Variants in SNTG1 observed in about 807,000 individuals in gnomAD.
SNTG1 encodes the protein gamma-1-syntrophin.
A neutral mutation model predicts 74.7 loss-of-function variants in SNTG1; 39 were observed. The ratio of observed to expected loss-of-function variants is 0.52; its 90% CI spans 0.40 to 0.68. The LOEUF (loss-of-function observed/expected upper bound fraction) is 0.68. Ranked by LOEUF, SNTG1 falls within the 30% of genes least tolerant of loss-of-function variation. SNTG1 has a pLI of 0.00. For synonymous variants in SNTG1, 254 were observed against 217.1 expected (o/e 1.17, Z -1.49); for missense variants, 685 against 609.5 (o/e 1.12, Z -1.30).
chr8:49,991,362 C>T (rs1257440929), intron 1 of SNTG1, among the ~76,000 whole-genome samples: 7 of 152,096 alleles, frequency 4.6e-5, no homozygotes, highest in African/African-American at 1.4e-4. Context: ...AATGGTGCAG[C>T]CATCTGTGAA....
chr8:50,037,861 T>TGA (rs1407107516), intron 1 of SNTG1, among the ~76,000 whole-genome samples: 1 of 152,166 alleles, frequency 6.6e-6, no homozygotes, highest in African/African-American at 2.4e-5. Flanking sequence ...TAGAAACTGA[T>TGA]GAGAGAGTGT....
intron 8 of SNTG1, among the ~76,000 whole-genome samples, chr8:50,462,042 A>G (rs1032404389): frequency 1.3e-5 from 2 of 152,118 alleles, no homozygotes; most frequent in Non-Finnish European, 2.9e-5. Context: ...TATTCGGTAC[A>G]GTGTACTCTG....
chr8:50,512,840 A>C (rs1345963494), intron 9 of SNTG1, among the ~76,000 whole-genome samples: 1 of 151,738 alleles, frequency 6.6e-6, no homozygotes, highest in Non-Finnish European at 1.5e-5. Context: ...AAGGTTTTTA[A>C]CTTCTTTGCC....
At chr8:50,142,255 G>A (rs2081685555) in intron 1 of SNTG1, among the ~76,000 whole-genome samples, 2 of 152,012 alleles carry the variant, frequency 1.3e-5, no homozygotes, top group Admixed American at 1.3e-4. Context: ...ACACAAGAAT[G>A]AATTCCTCTG....
chr8:50,570,591 G>GTTGTTATTATTATTATTA (rs137977278), intron 12 of SNTG1, among the ~76,000 whole-genome samples: 32 of 130,156 alleles, frequency 2.5e-4, no homozygotes, highest in African/African-American at 9.1e-4. Flanking sequence ...TATTATTGTT[G>GTTGTTATTATTATTATTA]TTATTATTAT....
At position 50,656,905 on chromosome 8, in the gene SNTG1, G is replaced by T. The variant is rs773203151; in HGVS notation, c.850-4G>T. On this transcript the variant is annotated splice_polypyrimidine_tract_variant and splice_region_variant and intron_variant, in intron 13 of 18. Coordinates refer to ENST00000642720, the MANE Select transcript of SNTG1 (RefSeq NM_018967.5). ...ACAGTTGATTGTATTCCATTTTCTTGCAGATTGTCTACATGGGCTGGTGTG... is the reference window on the plus strand; with the variant it reads ...ACAGTTGATTGTATTCCATTTTCTTTCAGATTGTCTACATGGGCTGGTGTG... 4 of 1,595,708 alleles carry T rather than the reference G, an allele frequency of 2.5e-6. No individual in the cohort carries two copies. The highest frequency in any genetic ancestry group is 3.4e-6 in the Non-Finnish European group (4 of 1,168,042).
At chr8:50,190,709 C>G (rs773137306) in intron 2 of SNTG1, among the ~76,000 whole-genome samples, 1 of 152,006 alleles carries the variant, frequency 6.6e-6, no homozygotes, top group Non-Finnish European at 1.5e-5. Flanking sequence ...ACTTGCAGAA[C>G]CTTTGAAAGC....
At chr8:50,237,794 A>T (rs10113365) in intron 2 of SNTG1, among the ~76,000 whole-genome samples, 135,864 of 152,080 alleles carry the variant, frequency 0.89, 62,187 homozygotes, top group East Asian at 1. Context: ...CTAATAGTGT[A>T]AGGTAGTGTT....
At chr8:50,087,054 A>C (rs1224174919) in intron 1 of SNTG1, among the ~76,000 whole-genome samples, 1 of 152,188 alleles carries the variant, frequency 6.6e-6, no homozygotes, top group Non-Finnish European at 1.5e-5. Flanking sequence ...TGTCAGGATT[A>C]AGAGTACCTT....
intron 16 of SNTG1, among the ~76,000 whole-genome samples, chr8:50,707,598 A>G (rs1200723391): frequency 6.6e-6 from 1 of 152,200 alleles, no homozygotes; most frequent in East Asian, 1.9e-4. Flanking sequence ...TCAGAATGGG[A>G]TTCAATTAAT....
At chr8:50,455,713 G>A (rs565378981) in intron 8 of SNTG1, among the ~76,000 whole-genome samples, 1 of 152,190 alleles carries the variant, frequency 6.6e-6, no homozygotes, top group East Asian at 1.9e-4. Context: ...CTGGAAAAAG[G>A]CATAAATTTA....
At chr8:50,617,814 G>T (rs2131023908) in intron 13 of SNTG1, among the ~76,000 whole-genome samples, 1 of 152,320 alleles carries the variant, frequency 6.6e-6, no homozygotes, top group East Asian at 1.9e-4. Context: ...TCTATACAAT[G>T]TCTGTAATTT....
At chr8:50,274,279 G>A (rs6984504) in intron 2 of SNTG1, among the ~76,000 whole-genome samples, 71,261 of 151,674 alleles carry the variant, frequency 0.47, 19,301 homozygotes, top group East Asian at 0.83. Flanking sequence ...TAGAGACAGG[G>A]TTTCACCATG....
At chr8:49,931,505 C>A (rs1432132334) in intron 1 of SNTG1, among the ~76,000 whole-genome samples, 1 of 152,104 alleles carries the variant, frequency 6.6e-6, no homozygotes, top group Admixed American at 6.6e-5. Flanking sequence ...CTCAGCATCG[C>A]ACAATATACC....
chr8:50,259,358 G>C (rs2087040604), intron 2 of SNTG1, among the ~76,000 whole-genome samples: 1 of 151,898 alleles, frequency 6.6e-6, no homozygotes, highest in African/African-American at 2.4e-5. Context: ...AATTAGCCAG[G>C]CATGTTGGTG....
intron 9 of SNTG1, among the ~76,000 whole-genome samples, chr8:50,514,366 A>G (rs2094113370): frequency 6.6e-6 from 1 of 151,992 alleles, no homozygotes; most frequent in African/African-American, 2.4e-5. Context: ...TTACTGATAA[A>G]ATTTTCTCTC....
At chr8:50,096,269 G>A (rs998464115) in intron 1 of SNTG1, among the ~76,000 whole-genome samples, 2 of 151,982 alleles carry the variant, frequency 1.3e-5, no homozygotes, top group African/African-American at 2.4e-5. Flanking sequence ...AAACAATAAC[G>A]TAATACAATT....
intron 17 of SNTG1, among the ~76,000 whole-genome samples, chr8:50,737,034 C>G (rs2095530626): frequency 6.6e-6 from 1 of 151,748 alleles, no homozygotes; most frequent in Non-Finnish European, 1.5e-5. Context: ...AATTCAAAAG[C>G]TAGCAGAACA....
chr8:50,584,233 A>T (rs921006068), intron 12 of SNTG1, among the ~76,000 whole-genome samples: 8 of 138,764 alleles, frequency 5.8e-5, no homozygotes, highest in African/African-American at 2.2e-4. Flanking sequence ...CAATAAATGT[A>T]TGTGTGCATG....
Sources: allele counts gnomAD v4.1 joint callset (sites outside exome capture counted in the v4.1 genomes callset), GRCh38; gene constraint gnomAD v4.1.1; transcripts MANE v1.5; gene names NCBI Gene and HGNC (gene_info 2026-07-23, HGNC 2026-07-21).